Variants in CA3 observed in about 807,000 individuals in gnomAD.
CA3 encodes CA-III.
Under a neutral mutation model 35.7 loss-of-function variants are expected in CA3, and 30 were observed. The observed-to-expected ratio is 0.84, with a 90% CI of 0.63 to 1.14. The LOEUF is 1.14. Ranked by LOEUF, CA3 falls within the 50% of genes most tolerant of loss-of-function variation. The probability of loss-of-function intolerance (pLI) is 0.00; values close to 1 mark genes in which losing one functional copy is unlikely to be tolerated. For synonymous variants in CA3, 131 were observed against 130.8 expected, an observed-to-expected ratio of 1.00 and a Z score of -0.01; for missense variants, 295 against 328.5, an observed-to-expected ratio of 0.90 and a Z score of 0.79.
chr8:85,446,327 T>C, intron 6 of CA3, 30 bp downstream of exon 6: 1 of 1,597,776 alleles, frequency 6.3e-7, no homozygotes, highest in African/African-American at 1.3e-5. Flanking sequence ...CGTGGGCTTA[T>C]GTTGCTGTCT....
rs969901363 is a variant in CA3 at position 85,442,662 on chromosome 8, G to A, written c.351+471G>A. On this transcript the variant is annotated intron_variant, in intron 3 of 6. Coordinates refer to ENST00000285381, the MANE Select transcript of CA3 (RefSeq NM_005181.4). ...TGGGAGGTCGAGGCTGCAGTGAGCT[G>A]TGATTGCGCCACTTCACTCCAGCCT... 2.6e-5 allele frequency among the ~76,000 whole-genome samples: 4 copies of A among 152,148 alleles called. No homozygotes were observed. The East Asian group carries it at 5.8e-4, about 22-fold the overall frequency.
rs1359387494 is a variant in CA3, at chr8:85,448,173, C to T, written c.*20C>T. The T allele has an allele frequency of 6.2e-7, 1 of 1,603,160 alleles. No homozygotes were observed. Among genetic ancestry groups the T allele is most frequent in the Non-Finnish European group, 8.5e-7 (1 of 1,174,580 alleles). On this transcript the variant is annotated 3_prime_UTR_variant, in exon 7 of 7. Coordinates refer to ENST00000285381, the MANE Select transcript of CA3 (RefSeq NM_005181.4). Reference sequence around the variant, plus strand: ...AAATGAGGCTGCTGGATCTTGCCCTCTTCAGGAAAGGAAACCTACCATTGG... The same window carrying T: ...AAATGAGGCTGCTGGATCTTGCCCTTTTCAGGAAAGGAAACCTACCATTGG...
rs1585997467 is a variant in CA3 at position 85,439,803 on chromosome 8, T to C, written c.126T>C (p.Pro42=). ...ELHTKDIRHD[P]SLQPWSVSYD... Reference sequence around the variant, plus strand: ...ATACTAAAGACATCAGGCATGACCCTTCTCTGCAGCCATGGTCTGTGTCTT... The same window carrying C: ...ATACTAAAGACATCAGGCATGACCCCTCTCTGCAGCCATGGTCTGTGTCTT... Residue 42 remains proline, a synonymous_variant, in exon 2 of 7, where the codon CCT becomes CCC. Coordinates refer to ENST00000285381, the MANE Select transcript of CA3 (RefSeq NM_005181.4). 1 of 1,614,100 alleles carries C rather than the reference T, an allele frequency of 6.2e-7. No individual in the cohort carries two copies. Among genetic ancestry groups the C allele is most frequent in the East Asian group, 2.2e-5 (1 of 44,888 alleles).
intron 3 of CA3, chr8:85,442,568 C>A: frequency 5.3e-6 from 1 of 190,076 alleles, no homozygotes; most frequent in Non-Finnish European, 1.1e-5. Flanking sequence ...CAAAAATTAG[C>A]CTGGCATGGT....
At chr8:85,441,926 A>C in intron 2 of CA3, 147 bp from the exon 3 acceptor site, 1 of 596,346 alleles carries the variant, frequency 1.7e-6, no homozygotes, top group South Asian at 2.3e-5. Context: ...TTTTGTGAGG[A>C]GTCCAGTGTC....
At chr8:85,444,633 A>G (rs1811255956) in intron 4 of CA3, among the ~76,000 whole-genome samples, 1 of 152,204 alleles carries the variant, frequency 6.6e-6, no homozygotes, top group Non-Finnish European at 1.5e-5. Flanking sequence ...ACCTTGCTTT[A>G]AAGAGGACTT....
intron 2 of CA3, 64 bp from the exon 3 acceptor site, chr8:85,442,009 G>A: frequency 1.1e-6 from 1 of 888,988 alleles, no homozygotes; most frequent in Non-Finnish European, 1.9e-6. Context: ...AGAGCACTTG[G>A]TTAAAGTAGA....
chr8:85,447,214 A>AT (rs1208375108), intron 6 of CA3, among the ~76,000 whole-genome samples: 1 of 150,212 alleles, frequency 6.7e-6, no homozygotes, highest in Non-Finnish European at 1.5e-5. Context: ...AGTGTTATTA[A>AT]TGAGAATTTC....
In CA3 at chr8:85,446,199, G is replaced by A. The variant is rs776895545; in HGVS notation, c.565G>A (p.Asp189Asn). ...ATCCTGCCTGTTCCCGGCATGCCGGGACTACTGGACCTACCAGGGCTCATT... is the reference window on the plus strand; with the variant it reads ...ATCCTGCCTGTTCCCGGCATGCCGGAACTACTGGACCTACCAGGGCTCATT... Reference protein sequence around the residue: ...DPSCLFPACRDYWTYQGSFTT... With the variant: ...DPSCLFPACRNYWTYQGSFTT... The change falls in exon 6 of 7, where the codon GAC (aspartate) becomes AAC (asparagine). Residue 189 changes from aspartate to asparagine, a missense_variant. Asp to Asn is a conservative substitution (Grantham distance 23). Coordinates refer to ENST00000285381, the MANE Select transcript of CA3 (RefSeq NM_005181.4). The A allele has an allele frequency of 1.9e-6, 3 of 1,613,988 alleles. No individual in the cohort carries two copies. Among genetic ancestry groups the A allele is most frequent in the East Asian group, 2.2e-5 (1 of 44,872 alleles).
chr8:85,446,186 C>G lies in CA3; in HGVS notation c.552C>G (p.Phe184Leu), dbSNP rs376717835. ...PFTKFDPSCL[F>L]PACRDYWTYQ... ...CAAAGTTTGACCCATCCTGCCTGTT[C>G]CCGGCATGCCGGGACTACTGGACCT... is the stretch of plus-strand genomic sequence containing the variant. The change falls in exon 6 of 7, where the codon TTC becomes TTG. Residue 184 changes from phenylalanine to leucine, a missense_variant. By Grantham distance (22) the Phe-to-Leu change is conservative. Transcript: ENST00000285381. The G allele has an allele frequency of 6.2e-7, 1 of 1,613,594 alleles. No individual in the cohort carries two copies. The highest frequency in any genetic ancestry group is 8.5e-7 in the Non-Finnish European group (1 of 1,179,792).
chr8:85,445,498 C>T (rs1331614260), intron 5 of CA3, among the ~76,000 whole-genome samples: 1 of 139,226 alleles, frequency 7.2e-6, no homozygotes, highest in Non-Finnish European at 1.5e-5. Context: ...ACCGCATCCT[C>T]GCCCAACACA....
rs760413952 is a variant in CA3 at position 85,448,122 on chromosome 8, A to G, written c.752A>G (p.Asn251Ser). The G allele has an allele frequency of 1.6e-5, 26 of 1,613,152 alleles. No homozygotes were observed. The highest frequency in any genetic ancestry group is 1.6e-4 in the Middle Eastern group (1 of 6,082). The change falls in exon 7 of 7, where the codon AAT becomes AGT. Residue 251 changes from asparagine to serine, a missense_variant. Physicochemically the swap from Asn to Ser is conservative, Grantham distance 46. Coordinates refer to ENST00000285381, the MANE Select transcript of CA3 (RefSeq NM_005181.4). ...VSNWRPPQPI[N>S]NRVVRASFK ...AACTGGCGACCTCCACAGCCTATCA[A>G]TAACAGGGTGGTGAGAGCTTCCTTC...
chr8:85,441,082 A>G (rs369834088), intron 2 of CA3, among the ~76,000 whole-genome samples: 3 of 152,306 alleles, frequency 2.0e-5, no homozygotes, highest in South Asian at 4.1e-4. Context: ...GAACCACTCC[A>G]TTTCTACCTG....
chr8:85,438,876 A>C lies in CA3; in HGVS notation c.-34A>C, dbSNP rs1386378658. 6.4e-7 allele frequency: 1 copy of C among 1,550,726 alleles called. No individual in the cohort carries two copies. Among genetic ancestry groups the C allele is most frequent in the African/African-American group, 1.4e-5 (1 of 73,164 alleles). On this transcript the variant is annotated 5_prime_UTR_variant, in exon 1 of 7. Coordinates refer to ENST00000285381, the MANE Select transcript of CA3 (RefSeq NM_005181.4). Reference sequence around the variant, plus strand: ...ACTCTGCACCACGCAGGGGAAGAGAAAGCAGGAGCCGTCCAGCACGGAGGA... The same window carrying C: ...ACTCTGCACCACGCAGGGGAAGAGACAGCAGGAGCCGTCCAGCACGGAGGA...
rs370798274 is a variant in CA3 at position 85,446,240 on chromosome 8, C to G, written c.606C>G (p.Cys202Trp). The G allele has an allele frequency of 1.2e-6, 2 of 1,614,052 alleles. No homozygotes were observed. Among genetic ancestry groups the G allele is most frequent in the African/African-American group, 1.3e-5 (1 of 74,940 alleles). The change falls in exon 6 of 7, where the codon TGC becomes TGG. Residue 202 changes from cysteine (C) to tryptophan (W), a missense_variant. Transcript: ENST00000285381. ...TYQGSFTTPP[C>W]EECIVWLLLK... ...AGGGCTCATTCACCACGCCGCCCTG[C>G]GAGGAATGCATTGTGTGGCTGCTGC...
At chr8:85,444,567 C>T (rs886171264) in intron 4 of CA3, among the ~76,000 whole-genome samples, 1 of 152,174 alleles carries the variant, frequency 6.6e-6, no homozygotes, top group Non-Finnish European at 1.5e-5. Context: ...GAGGTGGTCA[C>T]CACTCACGTG....
chr8:85,439,294 G>C (rs764883822), intron 1 of CA3, among the ~76,000 whole-genome samples: 7 of 152,166 alleles, frequency 4.6e-5, no homozygotes, highest in Non-Finnish European at 1.0e-4. Flanking sequence ...CCTGAGCTTG[G>C]TGCCGGTGTG....
At position 85,446,234 on chromosome 8, in the gene CA3, G is replaced by T. The variant is rs562539925; in HGVS notation, c.600G>T (p.Pro200=). Residue 200 remains proline (P), a synonymous_variant, in exon 6 of 7, where the codon CCG becomes CCT. Coordinates refer to ENST00000285381, the MANE Select transcript of CA3 (RefSeq NM_005181.4). The part of the protein sequence containing the change: ...YWTYQGSFTT[P]PCEECIVWLL... ...CCTACCAGGGCTCATTCACCACGCC[G>T]CCCTGCGAGGAATGCATTGTGTGGC... is the stretch of plus-strand genomic sequence containing the variant. The T allele has an allele frequency of 4.3e-6, 7 of 1,614,174 alleles. No individual in the cohort carries two copies. The highest frequency in any genetic ancestry group is 2.2e-5 in the South Asian group (2 of 91,084).
At chr8:85,444,598 A>G (rs1002785441) in intron 4 of CA3, among the ~76,000 whole-genome samples, 5 of 152,198 alleles carry the variant, frequency 3.3e-5, no homozygotes, top group African/African-American at 1.2e-4. Flanking sequence ...AAGATAGCAC[A>G]TGGAATGTGT....
Sources: gnomAD v4.1 joint callset for allele counts (sites outside exome capture counted in the v4.1 genomes callset) on GRCh38, gnomAD v4.1.1 for gene constraint, MANE v1.5 for transcripts, NCBI Gene and HGNC (gene_info 2026-07-23, HGNC 2026-07-21) for gene names.